Variants in MAP2K4 observed in about 807,000 individuals in gnomAD.
MAP2K4 encodes the protein mitogen-activated protein kinase kinase 4.
MAP2K4 carries 4 observed loss-of-function variants against 48.5 expected under a neutral mutation model. The ratio of observed to expected loss-of-function variants is 0.08; its 90% CI spans 0.04 to 0.19. MAP2K4 has a LOEUF of 0.19. Ranked by LOEUF, MAP2K4 falls within the 10% of genes least tolerant of loss-of-function variation. The pLI, the probability that MAP2K4 is intolerant of heterozygous loss-of-function variation, is 1.00. For missense variants in MAP2K4, 258 were observed against 493.3 expected (o/e 0.52, Z 4.52); for synonymous variants, 166 against 173.1 (o/e 0.96, Z 0.32).
chr17:12,087,241 C>G (rs1354757236), intron 3 of MAP2K4, among the ~76,000 whole-genome samples: 1 of 152,190 alleles, frequency 6.6e-6, no homozygotes, highest in Non-Finnish European at 1.5e-5. Flanking sequence ...TCTTTGTCAT[C>G]TTATGGCTAT....
At chr17:12,066,686 A>G (rs1970625857) in intron 2 of MAP2K4, among the ~76,000 whole-genome samples, 1 of 151,032 alleles carries the variant, frequency 6.6e-6, no homozygotes, top group Non-Finnish European at 1.5e-5. Flanking sequence ...GCACTACCAC[A>G]CATGGCTAAT....
intron 6 of MAP2K4, 188 bp from the exon 7 acceptor site, chr17:12,113,045 G>C (rs1248438472): frequency 2.1e-6 from 1 of 470,730 alleles, no homozygotes; most frequent in African/African-American, 1.9e-5. Context: ...AGTTATTAAA[G>C]CTACATGTTT....
intron 1 of MAP2K4, among the ~76,000 whole-genome samples, chr17:12,026,190 C>A (rs973557721): frequency 6.6e-6 from 1 of 152,194 alleles, no homozygotes; most frequent in Admixed American, 6.5e-5. Flanking sequence ...AAATACCTTA[C>A]TAGCCTGAAT....
intron 4 of MAP2K4, among the ~76,000 whole-genome samples, chr17:12,099,959 C>A (rs1971883033): frequency 6.6e-6 from 1 of 152,156 alleles, no homozygotes; most frequent in Non-Finnish European, 1.5e-5. Context: ...TTATAGAAGG[C>A]AGTGATGCTG....
chr17:12,088,319 A>G (rs547978848), intron 3 of MAP2K4, among the ~76,000 whole-genome samples: 3 of 150,750 alleles, frequency 2.0e-5, no homozygotes, highest in South Asian at 2.1e-4. Context: ...TTAATGAACA[A>G]TGAAGGGTAT....
intron 8 of MAP2K4, 71 bp downstream of exon 8, chr17:12,125,442 A>T: frequency 8.2e-7 from 1 of 1,222,958 alleles, no homozygotes; most frequent in Non-Finnish European, 1.2e-6. Context: ...AAGAAAACTT[A>T]ATCAGACTTC....
In MAP2K4 at chr17:12,141,162, T is replaced by G. The variant is rs1425777448; in HGVS notation, c.1102T>G (p.Leu368Val). The G allele has an allele frequency of 6.2e-7, 1 of 1,611,360 alleles. No homozygotes were observed. Among genetic ancestry groups the G allele is most frequent in the Non-Finnish European group, 8.5e-7 (1 of 1,177,500 alleles). The change falls in exon 11 of 11, where the codon TTG (leucine) becomes GTG (valine). Residue 368 changes from leucine to valine, a missense_variant. By Grantham distance (32) the Leu-to-Val change is conservative. This residue lies in a region of MAP2K4 where 57 missense variants were observed against 84.3 expected (regional missense o/e 0.68). Transcript: ENST00000353533. ...TTTCTTGCAGAAACATCCCTTTATT[T>G]TGATGTATGAAGAACGTGCCGTTGA... ...YKELLKHPFI[L>V]MYEERAVEVA...
intron 3 of MAP2K4, among the ~76,000 whole-genome samples, chr17:12,088,443 A>AAC (rs1555547637): frequency 3.1e-4 from 3 of 9,616 alleles, no homozygotes; most frequent in Admixed American, 2.0e-3. Context: ...TATTACATAT[A>AAC]ATATATATTA....
At chr17:12,134,899 TTTTA>T (rs1447682747) in intron 9 of MAP2K4, among the ~76,000 whole-genome samples, 1 of 152,142 alleles carries the variant, frequency 6.6e-6, no homozygotes, top group Admixed American at 6.5e-5. Flanking sequence ...TGGATAAGCT[TTTTA>T]TTTTATTTAT....
intron 1 of MAP2K4, among the ~76,000 whole-genome samples, chr17:12,031,091 G>T (rs896489367): frequency 3.3e-5 from 5 of 152,192 alleles, no homozygotes; most frequent in Non-Finnish European, 5.9e-5. Flanking sequence ...GTGGTAGAGA[G>T]ACCAGGGTCA....
At chr17:12,073,842 G>A (rs1490450151) in intron 2 of MAP2K4, among the ~76,000 whole-genome samples, 1 of 148,340 alleles carries the variant, frequency 6.7e-6, no homozygotes, top group Non-Finnish European at 1.5e-5. Context: ...GCGTGATCTC[G>A]GCTCACTGGG....
intron 1 of MAP2K4, among the ~76,000 whole-genome samples, chr17:12,031,096 G>A (rs886220151): frequency 3.9e-5 from 6 of 152,166 alleles, no homozygotes; most frequent in African/African-American, 1.4e-4. Context: ...AGAGAGACCA[G>A]GGTCAGACCT....
intron 2 of MAP2K4, among the ~76,000 whole-genome samples, chr17:12,074,190 G>A (rs1223695956): frequency 1.3e-5 from 2 of 152,002 alleles, no homozygotes; most frequent in Admixed American, 6.6e-5. Context: ...CGTGGTAAAT[G>A]TTTCATTGTC....
intron 5 of MAP2K4, 75 bp downstream of exon 5, chr17:12,107,984 T>G: frequency 3.9e-6 from 5 of 1,270,684 alleles, no homozygotes; most frequent in Non-Finnish European, 5.3e-6. Context: ...TGAATGCACA[T>G]ATTTGAGTGT....
chr17:12,021,035 C>G (rs1969016326), intron 1 of MAP2K4, 34 bp downstream of exon 1: 1 of 1,170,304 alleles, frequency 8.5e-7, no homozygotes, highest in African/African-American at 1.6e-5. Context: ...ATCCCAGCCC[C>G]CTAGCGCGGC....
intron 2 of MAP2K4, among the ~76,000 whole-genome samples, chr17:12,075,300 G>A (rs930003582): frequency 2.0e-5 from 3 of 152,238 alleles, no homozygotes; most frequent in African/African-American, 7.2e-5. Context: ...GAAAAGCAGT[G>A]GTAGAGTGAA....
At chr17:12,100,768 T>C (rs745605619) in intron 4 of MAP2K4, among the ~76,000 whole-genome samples, 1 of 152,134 alleles carries the variant, frequency 6.6e-6, no homozygotes, top group Non-Finnish European at 1.5e-5. Context: ...AGTAAATGTG[T>C]GGTGGAATCT....
chr17:12,069,755 T>G, intron 2 of MAP2K4: 1 of 1,118,522 alleles, frequency 8.9e-7, no homozygotes, highest in Non-Finnish European at 1.1e-6. Flanking sequence ...TTTCCGGAAT[T>G]AACAGAGCTG....
At chr17:12,075,411 T>G (rs992360120) in intron 2 of MAP2K4, among the ~76,000 whole-genome samples, 7 of 152,216 alleles carry the variant, frequency 4.6e-5, no homozygotes, top group African/African-American at 1.7e-4. Flanking sequence ...AATTACTGAA[T>G]TTTTTAAAAA....
Sources: gnomAD v4.1 joint callset for allele counts (sites outside exome capture counted in the v4.1 genomes callset) on GRCh38, gnomAD v4.1.1 for gene constraint, gnomAD v4.1.1 regional missense constraint, MANE v1.5 for transcripts, NCBI Gene and HGNC (gene_info 2026-07-23, HGNC 2026-07-21) for gene names.